HS3ST4: variants seen among roughly 807,000 people sequenced by gnomAD.
The protein encoded by HS3ST4 is heparan sulfate glucosamine 3-O-sulfotransferase 4.
In HS3ST4, 17 loss-of-function variants were observed where a neutral mutation model predicts 29.2. The ratio of observed to expected loss-of-function variants is 0.58; its 90% CI spans 0.40 to 0.87. HS3ST4 has a LOEUF of 0.87. Ranked by LOEUF, HS3ST4 falls within the 40% of genes least tolerant of loss-of-function variation. The pLI is 0.00. For synonymous variants in HS3ST4, 314 were observed against 285.7 expected, an observed-to-expected ratio of 1.10 and a Z score of -1.00; for missense variants, 627 against 634.5, an observed-to-expected ratio of 0.99 and a Z score of 0.13.
At chr16:25,919,964 T>G (rs1968330853) in intron 1 of HS3ST4, among the ~76,000 whole-genome samples, 1 of 152,182 alleles carries the variant, frequency 6.6e-6, no homozygotes, top group African/African-American at 2.4e-5. Context: ...TCCTCCTCCC[T>G]AAGCTATGAG....
intron 1 of HS3ST4, among the ~76,000 whole-genome samples, chr16:25,953,932 C>T (rs529085104): frequency 2.3e-4 from 35 of 152,232 alleles, no homozygotes; most frequent in South Asian, 1.9e-3. Flanking sequence ...GGTGCTCCTG[C>T]GGGTGCTACC....
intron 1 of HS3ST4, among the ~76,000 whole-genome samples, chr16:25,765,229 A>G (rs1045767748): frequency 2.0e-5 from 3 of 152,242 alleles, no homozygotes; most frequent in African/African-American, 7.2e-5. Flanking sequence ...GTGAAAAGGA[A>G]ACGAATTCTG....
At position 25,986,503 on chromosome 16, in the gene HS3ST4, A is replaced by G. The variant is rs532701160; in HGVS notation, c.735-149109A>G. 4.6e-5 allele frequency among the ~76,000 whole-genome samples: 7 copies of G among 152,368 alleles called. No homozygotes were observed. In the East Asian group the frequency reaches 1.3e-3, roughly 29 times the overall value. The stretch of plus-strand genomic sequence containing the variant: ...CCTAAGCCCAAATTCTCTTGTGTCC[A>G]GTCCTCTGCTAGCTAAGCAGCTACA... On this transcript the variant is annotated intron_variant, in intron 1 of 1. Coordinates refer to ENST00000331351, the MANE Select transcript of HS3ST4 (RefSeq NM_006040.3).
Position 25,692,554 on chromosome 16 carries a change from C to T in HS3ST4, c.137C>T (p.Thr46Ile). 1 of 1,453,640 alleles carries T rather than the reference C, an allele frequency of 6.9e-7. No individual in the cohort carries two copies. The highest frequency in any genetic ancestry group is 9.1e-7 in the Non-Finnish European group (1 of 1,093,910). 90.0% of individuals were successfully genotyped at this position (1,453,640 alleles called of 1,614,324 possible). The change falls in exon 1 of 2, where the codon ACC becomes ATC. Residue 46 changes from threonine to isoleucine, a missense_variant. This residue lies in a region of HS3ST4 where 402 missense variants were observed against 340.8 expected (regional missense o/e 1.18). Coordinates refer to ENST00000331351, the MANE Select transcript of HS3ST4 (RefSeq NM_006040.3). ...ATGTGCACCTTGTCCCTGTCTGTCA[C>T]CTACCTGTGCTACAGCCTCCTGGGC... is the stretch of plus-strand genomic sequence containing the variant. Reference protein sequence around the residue: ...LFMCTLSLSVTYLCYSLLGGS... With the variant: ...LFMCTLSLSVIYLCYSLLGGS...
chr16:25,880,872 T>G (rs1292128959), intron 1 of HS3ST4, among the ~76,000 whole-genome samples: 1 of 152,192 alleles, frequency 6.6e-6, no homozygotes, highest in Non-Finnish European at 1.5e-5. Context: ...AGAATGGATT[T>G]TTATAGACTT....
intron 1 of HS3ST4, among the ~76,000 whole-genome samples, chr16:25,769,222 G>C (rs1966839028): frequency 6.6e-6 from 1 of 152,142 alleles, no homozygotes; most frequent in Non-Finnish European, 1.5e-5. Flanking sequence ...GGAAGGTGAA[G>C]GTCTCTCTGT....
At chr16:26,029,279 A>G (rs1969509597) in intron 1 of HS3ST4, among the ~76,000 whole-genome samples, 1 of 152,220 alleles carries the variant, frequency 6.6e-6, no homozygotes, top group Admixed American at 6.5e-5. Context: ...TCATGGTCAC[A>G]TGGCCTGAAC....
At chr16:25,968,421 C>A (rs1968864946) in intron 1 of HS3ST4, among the ~76,000 whole-genome samples, 1 of 152,122 alleles carries the variant, frequency 6.6e-6, no homozygotes, top group African/African-American at 2.4e-5. Context: ...GCCGTGGTCG[C>A]CCCTTAGATG....
chr16:25,692,231 C>T lies in HS3ST4; in HGVS notation c.-187C>T, dbSNP rs1245740906. ...GCGGGGGGCCATGCGGCCGGGCTCCCCCCTGGCGCAGCGGGACAGCGGCCA... is the reference window on the plus strand; with the variant it reads ...GCGGGGGGCCATGCGGCCGGGCTCCTCCCTGGCGCAGCGGGACAGCGGCCA... On this transcript the variant is annotated 5_prime_UTR_variant, in exon 1 of 2. Coordinates refer to ENST00000331351, the MANE Select transcript of HS3ST4 (RefSeq NM_006040.3). 1.3e-5 allele frequency: 2 copies of T among 149,046 alleles called. No homozygotes were observed. Among genetic ancestry groups the T allele is most frequent in the Non-Finnish European group, 3.0e-5 (2 of 66,920 alleles). 9.2% of individuals were successfully genotyped at this position (149,046 alleles called of 1,614,324 possible). A position where few individuals can be genotyped will look rare whatever the true frequency, so the allele number is the denominator to read the frequency against.
At chr16:26,102,254 TG>T (rs199820515) in intron 1 of HS3ST4, among the ~76,000 whole-genome samples, 3 of 29,176 alleles carry the variant, frequency 1.0e-4, no homozygotes, top group Non-Finnish European at 9.6e-4. Context: ...ATCACAGCAA[TG>T]ATTTTTTTTT....
chr16:25,950,133 G>C (rs1968668785), intron 1 of HS3ST4, among the ~76,000 whole-genome samples: 1 of 152,164 alleles, frequency 6.6e-6, no homozygotes, highest in African/African-American at 2.4e-5. Flanking sequence ...TTTGGCATCA[G>C]TGAGGGCGGT....
intron 1 of HS3ST4, among the ~76,000 whole-genome samples, chr16:25,972,314 GAAC>G (rs1968906319): frequency 6.6e-6 from 1 of 152,200 alleles, no homozygotes; most frequent in African/African-American, 2.4e-5. Flanking sequence ...TGGGTTGAAA[GAAC>G]AACATTTATT....
At chr16:25,785,919 C>T (rs560928382) in intron 1 of HS3ST4, among the ~76,000 whole-genome samples, 51 of 152,074 alleles carry the variant, frequency 3.4e-4, no homozygotes, top group Non-Finnish European at 6.5e-4. Flanking sequence ...AGAAAGCTGC[C>T]ATATTTGAAG....
chr16:26,099,366 G>A (rs562280738), intron 1 of HS3ST4, among the ~76,000 whole-genome samples: 2 of 152,230 alleles, frequency 1.3e-5, no homozygotes, highest in East Asian at 3.9e-4. Context: ...ATATGGCCCA[G>A]ACTGGTCTCA....
chr16:26,115,467 CT>C (rs1456102808), intron 1 of HS3ST4, among the ~76,000 whole-genome samples: 1 of 152,050 alleles, frequency 6.6e-6, no homozygotes, highest in Non-Finnish European at 1.5e-5. Flanking sequence ...AGGGACAGAG[CT>C]TTTCTGATGG....
intron 1 of HS3ST4, among the ~76,000 whole-genome samples, chr16:25,927,130 T>G (rs977109999): frequency 1.5e-4 from 23 of 152,208 alleles, no homozygotes; most frequent in African/African-American, 5.5e-4. Context: ...ATTTTACTGA[T>G]CAGCTAAATC....
chr16:25,789,923 T>G (rs1224374240), intron 1 of HS3ST4, among the ~76,000 whole-genome samples: 1 of 152,242 alleles, frequency 6.6e-6, no homozygotes, highest in Non-Finnish European at 1.5e-5. Context: ...CCATGTAGTA[T>G]TCCACTGTAT....
At chr16:25,953,169 G>T (rs1358674182) in intron 1 of HS3ST4, among the ~76,000 whole-genome samples, 1 of 152,194 alleles carries the variant, frequency 6.6e-6, no homozygotes, top group East Asian at 1.9e-4. Flanking sequence ...GAGAGAGTGA[G>T]TAAGTTATGC....
At chr16:26,024,226 AG>A (rs1417476224) in intron 1 of HS3ST4, among the ~76,000 whole-genome samples, 223 of 117,998 alleles carry the variant, frequency 1.9e-3, no homozygotes, top group Non-Finnish European at 3.3e-3. Flanking sequence ...CCGTCTCAAA[AG>A]GAAAAAAAAA....
Sources: allele counts gnomAD v4.1 joint callset (sites outside exome capture counted in the v4.1 genomes callset), GRCh38; gene constraint gnomAD v4.1.1; regional missense constraint gnomAD v4.1.1; transcripts MANE v1.5; gene names NCBI Gene and HGNC (gene_info 2026-07-23, HGNC 2026-07-21).